The following RABGAP1 variants were observed in gnomAD, a reference collection of about 807,000 sequenced individuals.
The protein encoded by RABGAP1 is rab GTPase-activating protein 1.
RABGAP1 carries 23 observed loss-of-function variants against 137.6 expected under a neutral mutation model. The ratio of observed to expected loss-of-function variants is 0.17; its 90% CI spans 0.12 to 0.24. The LOEUF is 0.24. Among genes scored for constraint, RABGAP1 ranks in the 10% least tolerant of loss-of-function variants. The pLI, the probability that RABGAP1 is intolerant of heterozygous loss-of-function variation, is 1.00. For missense variants in RABGAP1, 906 were observed against 1,275.8 expected (o/e 0.71, Z 4.42); for synonymous variants, 451 against 450.7 (o/e 1.00, Z -0.01).
At chr9:123,008,680 G>C (rs2030528780) in intron 10 of RABGAP1, among the ~76,000 whole-genome samples, 1 of 151,898 alleles carries the variant, frequency 6.6e-6, no homozygotes, top group Admixed American at 6.6e-5. Flanking sequence ...ATTTTCAAGA[G>C]TTAAAAATCA....
At chr9:123,020,029 C>A (rs2031516368) in intron 12 of RABGAP1, among the ~76,000 whole-genome samples, 1 of 151,104 alleles carries the variant, frequency 6.6e-6, no homozygotes, top group Non-Finnish European at 1.5e-5. Context: ...TCTGTGATTT[C>A]CAGTTTTGCT....
intron 6 of RABGAP1, among the ~76,000 whole-genome samples, chr9:122,993,697 T>C (rs1836863384): frequency 6.6e-6 from 1 of 152,214 alleles, no homozygotes; most frequent in Non-Finnish European, 1.5e-5. Flanking sequence ...GGAGTCTCGC[T>C]CTGTCACCCA....
At chr9:123,009,574 G>C (rs1210829433) in intron 10 of RABGAP1, among the ~76,000 whole-genome samples, 3 of 152,086 alleles carry the variant, frequency 2.0e-5, no homozygotes, top group Non-Finnish European at 4.4e-5. Context: ...TTATATGGAA[G>C]GAAGAATGTT....
At chr9:122,953,373 C>T (rs746230257) in intron 1 of RABGAP1, among the ~76,000 whole-genome samples, 5 of 151,712 alleles carry the variant, frequency 3.3e-5, no homozygotes, top group Non-Finnish European at 5.9e-5. Flanking sequence ...CTCAGTGTGA[C>T]AAGCTCATAC....
At chr9:123,076,583 G>T in intron 18 of RABGAP1, 51 bp from the exon 19 acceptor site, 1 of 1,539,270 alleles carries the variant, frequency 6.5e-7, no homozygotes, top group Non-Finnish European at 8.7e-7. Context: ...AACTTCTTGT[G>T]CATCCTTATA....
intron 19 of RABGAP1, among the ~76,000 whole-genome samples, chr9:123,083,482 T>C (rs1472054458): frequency 1.3e-5 from 2 of 152,232 alleles, no homozygotes; most frequent in African/African-American, 4.8e-5. Flanking sequence ...CAGTGGGCAC[T>C]GCCTTCTTTT....
chr9:123,007,481 G>T (rs906932706), intron 10 of RABGAP1, among the ~76,000 whole-genome samples: 1 of 148,334 alleles, frequency 6.7e-6, no homozygotes, highest in African/African-American at 2.5e-5. Flanking sequence ...GGGCCCAAGT[G>T]ATCCTCCTGT....
intron 3 of RABGAP1, 89 bp downstream of exon 3, chr9:122,984,808 G>C (rs576509612): frequency 2.0e-4 from 245 of 1,203,724 alleles, no homozygotes; most frequent in Admixed American, 3.6e-4. Flanking sequence ...TTTAGAACAG[G>C]CAAAACCATT....
chr9:123,046,244 C>T (rs933309926), intron 13 of RABGAP1, among the ~76,000 whole-genome samples: 9 of 152,010 alleles, frequency 5.9e-5, no homozygotes, highest in Admixed American at 2.0e-4. Context: ...TTGGGGTTTA[C>T]GGTAAGAATT....
At position 122,996,417 on chromosome 9, in the gene RABGAP1, T is replaced by G. The variant is rs911461901; in HGVS notation, c.1035-122T>G. On this transcript the variant is annotated intron_variant, in intron 7 of 25. Coordinates refer to ENST00000373647, the MANE Select transcript of RABGAP1 (RefSeq NM_012197.4). ...GGATTATTATTTTAGCAACACAAAT[T>G]TATTGATAACTCTAATGTGTTCTCT... 5.3e-6 allele frequency: 6 copies of G among 1,137,368 alleles called. No individual in the cohort carries two copies. In the African/African-American group the frequency reaches 7.9e-5, roughly 15 times the overall value. 70.5% of individuals were successfully genotyped at this position (1,137,368 alleles called of 1,614,324 possible).
intron 15 of RABGAP1, chr9:123,071,475 T>C (rs535825583): frequency 6.6e-6 from 1 of 152,252 alleles, no homozygotes; most frequent in Non-Finnish European, 1.5e-5. Context: ...GTACCTGTTA[T>C]GATCTGTACT....
chr9:123,055,550 T>C (rs2033658938), intron 13 of RABGAP1, among the ~76,000 whole-genome samples: 3 of 147,354 alleles, frequency 2.0e-5, no homozygotes, highest in African/African-American at 5.0e-5. Flanking sequence ...CTTCTTCTTT[T>C]TTTTTTTTTT....
chr9:123,074,204 T>A (rs1201230877), intron 16 of RABGAP1, 81 bp from the exon 17 acceptor site: 5 of 1,553,136 alleles, frequency 3.2e-6, no homozygotes, highest in African/African-American at 2.8e-5. Context: ...TTTTGGCCTA[T>A]TCCTGGTAGA....
chr9:123,031,413 T>C (rs1431584218), intron 13 of RABGAP1, among the ~76,000 whole-genome samples: 2 of 152,162 alleles, frequency 1.3e-5, no homozygotes, highest in Non-Finnish European at 2.9e-5. Context: ...AGTAAAACAG[T>C]TGAGATCAGA....
intron 2 of RABGAP1, among the ~76,000 whole-genome samples, chr9:122,968,803 C>T (rs1419605457): frequency 2.0e-5 from 3 of 151,636 alleles, no homozygotes; most frequent in Non-Finnish European, 2.9e-5. Flanking sequence ...TTAGTAGAGA[C>T]GGGGTTTTGC....
At chr9:123,076,380 A>G in intron 18 of RABGAP1, 94 bp downstream of exon 18, 19 of 1,391,354 alleles carry the variant, frequency 1.4e-5, no homozygotes, top group Non-Finnish European at 1.7e-5. Flanking sequence ...GTCACTGTGC[A>G]CTAGCATTAC....
chr9:122,932,112 C>T, the RABGAP1 span, among the ~76,000 whole-genome samples: 3 of 152,180 alleles, frequency 2.0e-5, no homozygotes, highest in Non-Finnish European at 2.9e-5. Context: ...TTTTAATGAT[C>T]TCAAGTTCAT....
chr9:123,076,681 G>A lies in RABGAP1; in HGVS notation c.2343G>A (p.Lys781=), dbSNP rs752380055. 3.7e-6 allele frequency: 6 copies of A among 1,608,348 alleles called. No homozygotes were observed. The East Asian group carries it at 9.0e-5, about 24-fold the overall frequency. Residue 781 remains lysine, a synonymous_variant, in exon 19 of 26, where the codon AAG becomes AAA. Transcript: ENST00000373647. ...TGACAGACTTTGAAGGTGCCTTGAA[G>A]TTCTTTAGGGTTCAGCTTCCTAAGA... The part of the protein sequence containing the change: ...LLLTDFEGAL[K]FFRVQLPKRY...
At chr9:122,949,329 A>G (rs933415601) in intron 1 of RABGAP1, among the ~76,000 whole-genome samples, 3 of 152,124 alleles carry the variant, frequency 2.0e-5, no homozygotes, top group Non-Finnish European at 2.9e-5. Flanking sequence ...CCTGGCCAAC[A>G]TGGCGAAACC....
Sources: gnomAD v4.1 joint callset for allele counts (sites outside exome capture counted in the v4.1 genomes callset) on GRCh38, gnomAD v4.1.1 for gene constraint, MANE v1.5 for transcripts, NCBI Gene and HGNC (gene_info 2026-07-23, HGNC 2026-07-21) for gene names.